UBE2E2: variants seen among roughly 807,000 people sequenced by gnomAD.
UBE2E2 encodes ubiquitin conjugating enzyme E2 E2.
A neutral mutation model predicts 24.7 loss-of-function variants in UBE2E2; 6 were observed. That is an observed-to-expected ratio of 0.24 (90% CI 0.13 to 0.48). The LOEUF is 0.48. Among genes scored for constraint, UBE2E2 ranks in the 20% least tolerant of loss-of-function variants. UBE2E2 has a pLI of 0.99. For synonymous variants in UBE2E2, 104 were observed against 83.6 expected (o/e 1.24, Z -1.33); for missense variants, 169 against 245.0 (o/e 0.69, Z 2.07).
intron 5 of UBE2E2, among the ~76,000 whole-genome samples, chr3:23,569,232 C>T (rs1218932199): frequency 6.6e-6 from 1 of 152,138 alleles, no homozygotes; most frequent in Admixed American, 6.5e-5. Context: ...CAAGAGACTA[C>T]ATATTATTCC....
chr3:23,577,554 A>G (rs544023311), intron 5 of UBE2E2, among the ~76,000 whole-genome samples: 1 of 152,320 alleles, frequency 6.6e-6, no homozygotes, highest in East Asian at 1.9e-4. Context: ...CCATCTTCCT[A>G]ACATAAAATT....
intron 3 of UBE2E2, among the ~76,000 whole-genome samples, chr3:23,268,569 A>G (rs1379980485): frequency 1.4e-5 from 2 of 147,346 alleles, no homozygotes; most frequent in Non-Finnish European, 3.0e-5. Context: ...AAAGAAATGG[A>G]AGAACATTCC....
chr3:23,330,904 A>G (rs367640474), intron 3 of UBE2E2, among the ~76,000 whole-genome samples: 4 of 152,340 alleles, frequency 2.6e-5, no homozygotes, highest in South Asian at 2.1e-4. Flanking sequence ...CTGTTAAGCT[A>G]CTTAATTTTT....
intron 5 of UBE2E2, among the ~76,000 whole-genome samples, chr3:23,563,341 C>G (rs1311637878): frequency 3.3e-5 from 5 of 152,280 alleles, no homozygotes; most frequent in African/African-American, 9.6e-5. Context: ...AGTAGTGATT[C>G]AGGAGCGGGT....
At chr3:23,376,056 A>G (rs2125345197) in intron 3 of UBE2E2, among the ~76,000 whole-genome samples, 1 of 152,334 alleles carries the variant, frequency 6.6e-6, no homozygotes, top group Admixed American at 6.5e-5. Flanking sequence ...AAAGTATTCT[A>G]ATTGCAGTAT....
chr3:23,332,216 G>C (rs921337276), intron 3 of UBE2E2, among the ~76,000 whole-genome samples: 5 of 152,090 alleles, frequency 3.3e-5, no homozygotes, highest in Non-Finnish European at 7.4e-5. Flanking sequence ...CATGATGTCG[G>C]ATCGCTGCAG....
chr3:23,563,790 T>G (rs1158167585), intron 5 of UBE2E2, among the ~76,000 whole-genome samples: 1 of 152,118 alleles, frequency 6.6e-6, no homozygotes, highest in African/African-American at 2.4e-5. Flanking sequence ...ATTTATTCTA[T>G]TAATATTATT....
chr3:23,332,062 G>A (rs748481110), intron 3 of UBE2E2, among the ~76,000 whole-genome samples: 1 of 152,100 alleles, frequency 6.6e-6, no homozygotes, highest in Non-Finnish European at 1.5e-5. Flanking sequence ...AAATTTTAAA[G>A]TATGTAAAGG....
chr3:23,357,155 C>A (rs975068878), intron 3 of UBE2E2, among the ~76,000 whole-genome samples: 9 of 152,142 alleles, frequency 5.9e-5, no homozygotes, highest in African/African-American at 2.2e-4. Context: ...GGAAATACAA[C>A]CCTTGCATGG....
At chr3:23,371,934 A>G (rs1310571999) in intron 3 of UBE2E2, among the ~76,000 whole-genome samples, 3 of 152,216 alleles carry the variant, frequency 2.0e-5, no homozygotes, top group Admixed American at 6.5e-5. Flanking sequence ...CCTGCCCAAC[A>G]TGGTGAAATC....
intron 3 of UBE2E2, among the ~76,000 whole-genome samples, chr3:23,228,674 A>G (rs1266104692): frequency 6.6e-6 from 1 of 152,186 alleles, no homozygotes; most frequent in Non-Finnish European, 1.5e-5. Context: ...ATGTTTCTAA[A>G]TAAATGTTCA....
At chr3:23,413,665 T>G (rs1183276337) in intron 3 of UBE2E2, among the ~76,000 whole-genome samples, 1 of 152,156 alleles carries the variant, frequency 6.6e-6, no homozygotes, top group Admixed American at 6.5e-5. Flanking sequence ...TCCCTTACCT[T>G]CTCTGTGTTC....
chr3:23,451,155 A>G (rs1698554406), intron 3 of UBE2E2, among the ~76,000 whole-genome samples: 2 of 152,220 alleles, frequency 1.3e-5, no homozygotes, highest in African/African-American at 4.8e-5. Flanking sequence ...TTGGAGGCTG[A>G]GGTGGGAGGA....
chr3:23,447,151 C>T (rs1438376149), intron 3 of UBE2E2, among the ~76,000 whole-genome samples: 2 of 152,022 alleles, frequency 1.3e-5, no homozygotes, highest in Non-Finnish European at 2.9e-5. Flanking sequence ...TATTAATTTT[C>T]TGTGTTTATT....
At chr3:23,203,243 C>A, upstream of UBE2E2, 1 of 988,044 alleles carries the variant, frequency 1.0e-6, no homozygotes, top group Non-Finnish European at 1.2e-6. Flanking sequence ...CCGGGGGCGG[C>A]GGCAGCGGCG....
At chr3:23,402,569 A>G (rs1055996176) in intron 3 of UBE2E2, among the ~76,000 whole-genome samples, 20 of 152,158 alleles carry the variant, frequency 1.3e-4, no homozygotes, top group Non-Finnish European at 1.3e-4. Context: ...ATTTTCAACC[A>G]TCTTTGGTTT....
chr3:23,452,464 A>G (rs1042640039), intron 3 of UBE2E2, among the ~76,000 whole-genome samples: 21 of 152,194 alleles, frequency 1.4e-4, no homozygotes, highest in Admixed American at 3.3e-4. Flanking sequence ...TTTTGAATCT[A>G]TATTAAAATT....
intron 3 of UBE2E2, among the ~76,000 whole-genome samples, chr3:23,318,368 A>C (rs1190797153): frequency 6.6e-6 from 1 of 152,214 alleles, no homozygotes; most frequent in African/African-American, 2.4e-5. Flanking sequence ...TACAATTAGC[A>C]CTAAAGTTGC....
At chr3:23,478,108 G>A (rs574239363) in intron 3 of UBE2E2, among the ~76,000 whole-genome samples, 18 of 152,216 alleles carry the variant, frequency 1.2e-4, no homozygotes, top group South Asian at 2.1e-4. Flanking sequence ...CACCTATTCC[G>A]TCCTCAGCAC....
Sources: gnomAD v4.1 joint callset for allele counts (sites outside exome capture counted in the v4.1 genomes callset) on GRCh38, gnomAD v4.1.1 for gene constraint, MANE v1.5 for transcripts, NCBI Gene and HGNC (gene_info 2026-07-23, HGNC 2026-07-21) for gene names.